Variants in SLC2A9 observed in about 807,000 individuals in gnomAD.
The protein encoded by SLC2A9 is solute carrier family 2 member 9, also known as solute carrier family 2, facilitated glucose transporter member 9.
Under a neutral mutation model 50.6 loss-of-function variants are expected in SLC2A9, and 39 were observed. The observed-to-expected ratio is 0.77, with a 90% CI of 0.60 to 1.01. SLC2A9 has a LOEUF of 1.01. Among genes scored for constraint, SLC2A9 ranks in the 50% least tolerant of loss-of-function variants. SLC2A9 has a pLI of 0.00. For missense variants in SLC2A9, 686 were observed against 677.6 expected, an observed-to-expected ratio of 1.01 and a Z score of -0.14; for synonymous variants, 324 against 276.9, an observed-to-expected ratio of 1.17 and a Z score of -1.69.
intron 5 of SLC2A9, among the ~76,000 whole-genome samples, chr4:9,949,673 C>T (rs537525183): frequency 2.6e-5 from 4 of 152,284 alleles, no homozygotes; most frequent in Admixed American, 2.0e-4. Flanking sequence ...GCCACCTTCC[C>T]TTCCCTCATG....
chr4:10,029,763 C>T (rs1334644843), intron 1 of SLC2A9, among the ~76,000 whole-genome samples: 1 of 151,832 alleles, frequency 6.6e-6, no homozygotes, highest in African/African-American at 2.4e-5. Flanking sequence ...TTTATAGGCA[C>T]CCGCCACCAT....
upstream of SLC2A9, among the ~76,000 whole-genome samples, chr4:10,022,364 A>G (rs1221707454): frequency 2.6e-5 from 4 of 152,254 alleles, no homozygotes; most frequent in African/African-American, 9.6e-5. Context: ...GAAGAAAAAG[A>G]ATTTGCCTCT....
At chr4:9,891,137 T>G (rs1264922154) in intron 8 of SLC2A9, among the ~76,000 whole-genome samples, 1 of 151,840 alleles carries the variant, frequency 6.6e-6, no homozygotes, top group African/African-American at 2.4e-5. Flanking sequence ...GGGGTGGGAG[T>G]AGGCAGAGAA....
At chr4:10,018,679 G>A (rs982503022) in intron 2 of SLC2A9, among the ~76,000 whole-genome samples, 12 of 152,118 alleles carry the variant, frequency 7.9e-5, no homozygotes, top group Non-Finnish European at 1.6e-4. Flanking sequence ...GGGGCCAGAG[G>A]ATCGCCCCCC....
chr4:9,992,333 A>C (rs777058759), intron 3 of SLC2A9, among the ~76,000 whole-genome samples: 1 of 152,198 alleles, frequency 6.6e-6, no homozygotes, highest in African/African-American at 2.4e-5. Context: ...GGATTTTCTA[A>C]CCTTGGCACT....
intron 11 of SLC2A9, among the ~76,000 whole-genome samples, chr4:9,827,714 C>T (rs1485482423): frequency 6.6e-6 from 1 of 152,148 alleles, no homozygotes; most frequent in Non-Finnish European, 1.5e-5. Context: ...CTTTAAAGTG[C>T]CACATGCAGT....
chr4:9,782,282 G>A (rs1403024760), intron 3 of SLC2A9: 1 of 1,613,972 alleles, frequency 6.2e-7, no homozygotes, highest in Non-Finnish European at 8.5e-7. Context: ...GTCTCTGGCC[G>A]TGTCAGACCT....
chr4:10,025,861 C>T (rs371935334), upstream of SLC2A9: 13 of 1,597,338 alleles, frequency 8.1e-6, no homozygotes, highest in East Asian at 6.7e-5. Flanking sequence ...CCTGGGTGAC[C>T]GGAATAATCA....
At chr4:9,807,236 T>C (rs914598399) in intron 3 of SLC2A9, among the ~76,000 whole-genome samples, 2 of 152,194 alleles carry the variant, frequency 1.3e-5, no homozygotes, top group African/African-American at 2.4e-5. Context: ...TGTGGCCACA[T>C]TGAAACACCA....
At chr4:9,888,176 G>A (rs1270222524) in intron 9 of SLC2A9, among the ~76,000 whole-genome samples, 1 of 151,624 alleles carries the variant, frequency 6.6e-6, no homozygotes, top group African/African-American at 2.4e-5. Context: ...TAGATGATGG[G>A]TTGATGGGTG....
At chr4:9,927,380 C>T (rs1745100002) in intron 6 of SLC2A9, among the ~76,000 whole-genome samples, 1 of 152,232 alleles carries the variant, frequency 6.6e-6, no homozygotes, top group African/African-American at 2.4e-5. Context: ...CACACTTTGT[C>T]ACCTCTTTTA....
chr4:9,901,583 G>A (rs765178998), intron 8 of SLC2A9, among the ~76,000 whole-genome samples: 1 of 152,306 alleles, frequency 6.6e-6, no homozygotes, highest in African/African-American at 2.4e-5. Flanking sequence ...CTTATAGACA[G>A]CAAAGAAAAC....
At chr4:10,025,047 T>C (rs1226312251), upstream of SLC2A9, among the ~76,000 whole-genome samples, 1 of 152,244 alleles carries the variant, frequency 6.6e-6, no homozygotes, top group Non-Finnish European at 1.5e-5. Context: ...TTATCCTCCA[T>C]TTCACACCTC....
intron 10 of SLC2A9, among the ~76,000 whole-genome samples, chr4:9,878,453 T>G (rs1403272006): frequency 6.6e-6 from 1 of 152,014 alleles, no homozygotes; most frequent in Non-Finnish European, 1.5e-5. Flanking sequence ...GGAGCCTCCA[T>G]AGAAACGTCT....
intron 10 of SLC2A9, among the ~76,000 whole-genome samples, chr4:9,838,778 G>A (rs980894047): frequency 6.6e-6 from 1 of 152,178 alleles, no homozygotes; most frequent in African/African-American, 2.4e-5. Context: ...AATAAATGTT[G>A]TTGGGATAAA....
intron 5 of SLC2A9, among the ~76,000 whole-genome samples, chr4:9,954,386 C>T (rs1451825780): frequency 6.6e-6 from 1 of 152,250 alleles, no homozygotes; most frequent in East Asian, 1.9e-4. Context: ...CAGGAAGGGG[C>T]AACCCTTGCT....
Position 10,005,506 on chromosome 4 carries a change from G to A in SLC2A9, c.250-8565C>T, listed in dbSNP as rs190383430. 1.7e-4 allele frequency among the ~76,000 whole-genome samples: 26 copies of A among 152,354 alleles called. No homozygotes were observed. In the East Asian group the frequency reaches 4.4e-3, roughly 26 times the overall value. On this transcript the variant is annotated intron_variant, in intron 2 of 11. Transcript: ENST00000264784. The stretch of plus-strand genomic sequence containing the variant: ...TTGTGGTTAAGAATGTTCTTCATAG[G>A]TGCAGTGTGAAGGACATTTCAGGGA...
chr4:9,788,170 T>C (rs1371553597), intron 3 of SLC2A9, among the ~76,000 whole-genome samples: 6 of 152,134 alleles, frequency 3.9e-5, no homozygotes, highest in African/African-American at 1.4e-4. Context: ...TACATCAGCA[T>C]AGAATCTTGG....
At chr4:9,889,121 G>C (rs1208283048) in intron 9 of SLC2A9, among the ~76,000 whole-genome samples, 1 of 152,196 alleles carries the variant, frequency 6.6e-6, no homozygotes, top group East Asian at 1.9e-4. Flanking sequence ...GGGGCTTATG[G>C]GAACACAGGA....
Sources: allele counts gnomAD v4.1 joint callset (sites outside exome capture counted in the v4.1 genomes callset), GRCh38; gene constraint gnomAD v4.1.1; transcripts MANE v1.5; gene names NCBI Gene and HGNC (gene_info 2026-07-23, HGNC 2026-07-21).